Variants in LDAF1 observed in about 807,000 individuals in gnomAD.
LDAF1 encodes the protein lipid droplet assembly factor 1.
In LDAF1, 7 loss-of-function variants were observed where a neutral mutation model predicts 13.5. That is an observed-to-expected ratio of 0.52 (90% CI 0.29 to 0.97). The LOEUF (loss-of-function observed/expected upper bound fraction) is 0.97, where lower values mean the gene tolerates loss of function less well. Ranked by LOEUF, LDAF1 falls within the 50% of genes least tolerant of loss-of-function variation. The probability of loss-of-function intolerance (pLI) is 0.07; values close to 1 mark genes in which losing one functional copy is unlikely to be tolerated. For missense variants in LDAF1, 148 were observed against 193.2 expected, an observed-to-expected ratio of 0.77 and a Z score of 1.39; for synonymous variants, 69 against 77.1, an observed-to-expected ratio of 0.89 and a Z score of 0.55.
At chr16:21,165,533 C>T in intron 2 of LDAF1, 1 of 952,798 alleles carries the variant, frequency 1.0e-6, no homozygotes, top group Non-Finnish European at 1.2e-6. Context: ...CTTCTTTTGT[C>T]ATTCCACTTT....
At chr16:21,163,889 G>A (rs1017161023) in intron 2 of LDAF1, among the ~76,000 whole-genome samples, 5 of 151,934 alleles carry the variant, frequency 3.3e-5, no homozygotes, top group Non-Finnish European at 7.4e-5. Flanking sequence ...TAGTAGAGAC[G>A]GGGTTTCTCA....
At chr16:21,167,081 G>T (rs989409697) in intron 2 of LDAF1, among the ~76,000 whole-genome samples, 42 of 152,200 alleles carry the variant, frequency 2.8e-4, no homozygotes, top group African/African-American at 9.7e-4. Flanking sequence ...ATCCTTAGGA[G>T]ACCACGCTGA....
Position 21,164,911 on chromosome 16 carries a change from G to A in LDAF1, c.96+3633G>A, listed in dbSNP as rs117136194. The stretch of plus-strand genomic sequence containing the variant: ...TAGGTCGTTCTTTTTTACCTACCTC[G>A]TAGCATTGTAGGAAGAAATAAATGA... On this transcript the variant is annotated intron_variant, in intron 2 of 4. Coordinates refer to ENST00000233047, the MANE Select transcript of LDAF1 (RefSeq NM_001301771.2). 7.9e-5 allele frequency among the ~76,000 whole-genome samples: 12 copies of A among 152,252 alleles called. No individual in the cohort carries two copies. In the East Asian group the frequency reaches 1.9e-3, roughly 24 times the overall value.
intron 4 of LDAF1, among the ~76,000 whole-genome samples, chr16:21,177,864 C>G (rs908674861): frequency 1.3e-5 from 2 of 151,982 alleles, no homozygotes; most frequent in East Asian, 3.9e-4. Context: ...GTGATCCACC[C>G]ACCTCAGCCT....
chr16:21,171,151 G>T (rs533876672), intron 3 of LDAF1, among the ~76,000 whole-genome samples: 1 of 152,128 alleles, frequency 6.6e-6, no homozygotes, highest in Non-Finnish European at 1.5e-5. Flanking sequence ...CAGATGCCTC[G>T]CTAGGTACTG....
intron 4 of LDAF1, chr16:21,177,283 T>G (rs2152851062): frequency 6.6e-6 from 1 of 151,430 alleles, no homozygotes; most frequent in East Asian, 1.9e-4. Context: ...AGGCAAAGCT[T>G]TTTTAAACGA....
intron 2 of LDAF1, chr16:21,166,746 C>A: frequency 1.9e-6 from 2 of 1,029,650 alleles, no homozygotes; most frequent in South Asian, 1.4e-5. Flanking sequence ...TGGATTCGAA[C>A]TGGAAAGAAG....
At chr16:21,175,241 C>T (rs2093128447) in intron 4 of LDAF1, among the ~76,000 whole-genome samples, 1 of 152,246 alleles carries the variant, frequency 6.6e-6, no homozygotes, top group African/African-American at 2.4e-5. Flanking sequence ...TGAGCACTTG[C>T]TCTGTGCCAG....
chr16:21,168,646 ATAATTATACAATATTATAAT>A (rs926216004), intron 2 of LDAF1, among the ~76,000 whole-genome samples: 2 of 140,830 alleles, frequency 1.4e-5, no homozygotes, highest in Non-Finnish European at 3.0e-5. Flanking sequence ...TATATCTAAT[ATAATTATACAATATTATAAT>A]TATGATTTTT....
At chr16:21,172,888 G>A in intron 3 of LDAF1, 3 of 976,490 alleles carry the variant, frequency 3.1e-6, no homozygotes, top group Non-Finnish European at 3.7e-6. Context: ...AACCATCACT[G>A]TGGCTGTGGG....
chr16:21,170,481 C>T lies in LDAF1; in HGVS notation c.141C>T (p.Ser47=). 6.2e-7 allele frequency: 1 copy of T among 1,614,100 alleles called. No individual in the cohort carries two copies. The highest frequency in any genetic ancestry group is 8.5e-7 in the Non-Finnish European group (1 of 1,180,016). The stretch of plus-strand genomic sequence containing the variant: ...CTCCAGTGGGTCAGTACTTGGACAG[C>T]CATCCGTTTCTGGCCTTCACCTTGC... ...MKSPVGQYLD[S]HPFLAFTLLV... The change falls in exon 3 of 5, where the codon AGC becomes AGT. Residue 47 remains serine, a synonymous_variant. Coordinates refer to ENST00000233047, the MANE Select transcript of LDAF1 (RefSeq NM_001301771.2).
chr16:21,178,697 AATAAAATATTT>A (rs1201805333), intron 4 of LDAF1: 14 of 152,206 alleles, frequency 9.2e-5, no homozygotes, highest in Non-Finnish European at 1.8e-4. Flanking sequence ...TAAAAATGTG[AATAAAATATTT>A]CCCAGGACCT....
chr16:21,163,552 C>T (rs1006613699), intron 2 of LDAF1, among the ~76,000 whole-genome samples: 1 of 151,966 alleles, frequency 6.6e-6, no homozygotes, highest in East Asian at 1.9e-4. Flanking sequence ...GGCTGAGGCA[C>T]GAGAATCGCT....
intron 2 of LDAF1, among the ~76,000 whole-genome samples, chr16:21,166,434 C>T (rs1318139816): frequency 6.6e-6 from 1 of 152,158 alleles, no homozygotes; most frequent in African/African-American, 2.4e-5. Context: ...CAAGTCTCAG[C>T]TTTAAAATTT....
intron 4 of LDAF1, chr16:21,177,461 A>G (rs1337447262): frequency 6.6e-6 from 1 of 152,102 alleles, no homozygotes; most frequent in Non-Finnish European, 1.5e-5. Context: ...CCATTGGTCA[A>G]TGGGAGAATA....
At chr16:21,169,657 T>C (rs903543101) in intron 2 of LDAF1, among the ~76,000 whole-genome samples, 2 of 152,178 alleles carry the variant, frequency 1.3e-5, no homozygotes, top group Non-Finnish European at 2.9e-5. Flanking sequence ...TAGCTAAGCC[T>C]ATTTGTGTCT....
At chr16:21,173,261 G>T (rs184278966) in intron 3 of LDAF1, 1 of 152,350 alleles carries the variant, frequency 6.6e-6, no homozygotes, top group East Asian at 1.9e-4. Flanking sequence ...TAGCTTGTAG[G>T]TAAGAGTAAA....
chr16:21,174,235 G>A, intron 4 of LDAF1, 87 bp downstream of exon 4: 1 of 1,305,880 alleles, frequency 7.7e-7, no homozygotes, highest in Non-Finnish European at 1.0e-6. Flanking sequence ...TGTCACTCAG[G>A]CTGGAGTGCA....
At chr16:21,161,974 A>G (rs972364326) in intron 2 of LDAF1, among the ~76,000 whole-genome samples, 2 of 152,100 alleles carry the variant, frequency 1.3e-5, no homozygotes, top group African/African-American at 4.8e-5. Flanking sequence ...CCTGGCGAAC[A>G]TGGTAAAACC....
Sources: allele counts gnomAD v4.1 joint callset (sites outside exome capture counted in the v4.1 genomes callset), GRCh38; gene constraint gnomAD v4.1.1; transcripts MANE v1.5; gene names NCBI Gene and HGNC (gene_info 2026-07-23, HGNC 2026-07-21).